PID1: variants seen among roughly 807,000 people sequenced by gnomAD.
PID1 encodes the protein PTB-containing, cubilin and LRP1-interacting protein.
In PID1, 10 loss-of-function variants were observed where a neutral mutation model predicts 19.1. The ratio of observed to expected loss-of-function variants is 0.52; its 90% confidence interval spans 0.32 to 0.89. The LOEUF (loss-of-function observed/expected upper bound fraction) is 0.89, where lower values mean the gene tolerates loss of function less well. Ranked by LOEUF, PID1 falls within the 40% of genes least tolerant of loss-of-function variation. The pLI, the probability that PID1 is intolerant of heterozygous loss-of-function variation, is 0.03. For synonymous variants in PID1, 130 were observed against 116.0 expected, an observed-to-expected ratio of 1.12 and a Z score of -0.78; for missense variants, 248 against 285.3, an observed-to-expected ratio of 0.87 and a Z score of 0.94.
intron 1 of PID1, among the ~76,000 whole-genome samples, chr2:229,200,133 G>A (rs554221090): frequency 6.6e-6 from 1 of 152,018 alleles, no homozygotes; most frequent in East Asian, 1.9e-4. Context: ...CTCCGCTGCT[G>A]CACTCCCCCG....
intron 2 of PID1, among the ~76,000 whole-genome samples, chr2:229,067,997 G>A (rs1559218354): frequency 6.6e-6 from 1 of 152,180 alleles, no homozygotes; most frequent in Non-Finnish European, 1.5e-5. Context: ...CTGTACTCAT[G>A]TAACTTCCAG....
chr2:229,190,268 A>T (rs765517828), intron 1 of PID1, among the ~76,000 whole-genome samples: 8 of 152,242 alleles, frequency 5.3e-5, no homozygotes, highest in Non-Finnish European at 1.2e-4. Context: ...CAGCTATACA[A>T]AAATTGTGGA....
chr2:229,266,706 G>A (rs58111973), intron 1 of PID1, among the ~76,000 whole-genome samples: 58 of 152,258 alleles, frequency 3.8e-4, no homozygotes, highest in African/African-American at 1.2e-3. Context: ...AAATCACTTC[G>A]ACTCTCTGGC....
At chr2:229,236,394 A>C (rs1265385016) in intron 1 of PID1, 1 of 152,166 alleles carries the variant, frequency 6.6e-6, no homozygotes, top group East Asian at 1.9e-4. Context: ...TAGAGTGGTC[A>C]GTCGCAGCTT....
intron 1 of PID1, among the ~76,000 whole-genome samples, chr2:229,230,514 T>A (rs1241750909): frequency 6.6e-6 from 1 of 152,190 alleles, no homozygotes; most frequent in Non-Finnish European, 1.5e-5. Flanking sequence ...TGTGAATAAC[T>A]CCTATAAGCC....
intron 2 of PID1, among the ~76,000 whole-genome samples, chr2:229,044,858 A>T (rs1693841421): frequency 6.6e-6 from 1 of 152,192 alleles, no homozygotes; most frequent in Non-Finnish European, 1.5e-5. Context: ...CCCAATAAAG[A>T]CTAACGAATA....
chr2:229,069,178 T>TGTGTGTGTGAGA (rs756406662), intron 2 of PID1, among the ~76,000 whole-genome samples: 6 of 117,532 alleles, frequency 5.1e-5, no homozygotes, highest in African/African-American at 2.2e-4. Context: ...TGTGTGTGTG[T>TGTGTGTGTGAGA]GAGATGAGGG....
chr2:229,199,019 CT>C (rs1264820367), intron 1 of PID1, among the ~76,000 whole-genome samples: 1 of 152,072 alleles, frequency 6.6e-6, no homozygotes, highest in Non-Finnish European at 1.5e-5. Context: ...TAACTCCTGA[CT>C]TTTCTAACCT....
intron 2 of PID1, among the ~76,000 whole-genome samples, chr2:229,026,735 G>T (rs970341133): frequency 6.6e-6 from 1 of 152,266 alleles, no homozygotes; most frequent in Middle Eastern, 3.4e-3. Flanking sequence ...AACTGTTTTT[G>T]AACTGATGAG....
At chr2:229,069,805 C>T (rs535841572) in intron 2 of PID1, among the ~76,000 whole-genome samples, 7 of 152,276 alleles carry the variant, frequency 4.6e-5, no homozygotes, top group African/African-American at 9.6e-5. Flanking sequence ...ATTATTACTG[C>T]TTTATCAAAG....
intron 1 of PID1, among the ~76,000 whole-genome samples, chr2:229,226,735 G>A (rs762619852): frequency 6.6e-6 from 1 of 152,108 alleles, no homozygotes; most frequent in Non-Finnish European, 1.5e-5. Context: ...CATGAAACTT[G>A]CCAGAAATAA....
chr2:229,155,581 ACAAAAAC>A (rs1690351698), intron 2 of PID1, among the ~76,000 whole-genome samples: 14 of 151,008 alleles, frequency 9.3e-5, no homozygotes, highest in South Asian at 2.1e-4. Flanking sequence ...TCAAAAAAAA[ACAAAAAC>A]AAAAAAACCC....
intron 2 of PID1, among the ~76,000 whole-genome samples, chr2:229,104,957 A>G (rs1390549645): frequency 6.6e-6 from 1 of 152,198 alleles, no homozygotes; most frequent in East Asian, 1.9e-4. Context: ...ACAGACAGAC[A>G]CAGACACAAA....
chr2:229,145,962 T>C lies in PID1; in HGVS notation c.177+9856A>G, dbSNP rs186907125. On this transcript the variant is annotated intron_variant, in intron 2 of 2. Coordinates refer to ENST00000392055, the MANE Select transcript of PID1 (RefSeq NM_001100818.2). The stretch of plus-strand genomic sequence containing the variant: ...TACCTTTACAGAGCAATTTTCTTTA[T>C]TTTTCGATTTTTTAGTAGCTTTCTG... Among the ~76,000 whole-genome samples the C allele has an allele frequency of 5.3e-5, 8 of 152,348 alleles. No homozygotes were observed. In the East Asian group the frequency reaches 1.4e-3, roughly 26 times the overall value.
At position 229,026,209 on chromosome 2, in the gene PID1, T is replaced by A; in HGVS notation, c.178-101A>T. 2 of 793,398 alleles carry A rather than the reference T, an allele frequency of 2.5e-6. 1 individual carries two copies. The allele number at this position is 793,398 out of a possible 1,614,324, so 49.1% of individuals were successfully genotyped here. ...GTTCCACACAGTCATGGTGTCACAT[T>A]GGGAAGGTGAAGACACTTCTTTCTT... On this transcript the variant is annotated intron_variant, in intron 2 of 2. Transcript: ENST00000392055.
At chr2:229,160,530 G>T (rs1244250580) in intron 1 of PID1, among the ~76,000 whole-genome samples, 1 of 152,072 alleles carries the variant, frequency 6.6e-6, no homozygotes, top group African/African-American at 2.4e-5. Flanking sequence ...CACCTTCCCT[G>T]AACACCTATA....
rs372752235 is a variant in PID1 at position 229,188,591 on chromosome 2, T to C, written c.31-32627A>G. Among the ~76,000 whole-genome samples the C allele has an allele frequency of 4.0e-5, 6 of 151,886 alleles. No individual in the cohort carries two copies. The East Asian group carries it at 1.2e-3, about 30-fold the overall frequency. ...TGTCTCTACTAAAAATACAAAAAAT[T>C]AGCCAGGCATGGTGGCGGGTGCCTG... On this transcript the variant is annotated intron_variant, in intron 1 of 2. Coordinates refer to ENST00000392055, the MANE Select transcript of PID1 (RefSeq NM_001100818.2).
intron 2 of PID1, among the ~76,000 whole-genome samples, chr2:229,056,189 T>G (rs1280839506): frequency 6.6e-6 from 1 of 152,160 alleles, no homozygotes; most frequent in Non-Finnish European, 1.5e-5. Context: ...GAGATAAGAA[T>G]ATTAACAAGA....
At chr2:229,059,671 T>A (rs1694172197) in intron 2 of PID1, among the ~76,000 whole-genome samples, 1 of 152,240 alleles carries the variant, frequency 6.6e-6, no homozygotes, top group African/African-American at 2.4e-5. Context: ...GCAAGTTTAC[T>A]GTGTAAGTGC....
Sources: allele counts gnomAD v4.1 joint callset (sites outside exome capture counted in the v4.1 genomes callset), GRCh38; gene constraint gnomAD v4.1.1; transcripts MANE v1.5; gene names NCBI Gene and HGNC (gene_info 2026-07-23, HGNC 2026-07-21).